DCAF1: variants seen among roughly 807,000 people sequenced by gnomAD.
DCAF1 encodes DDB1 and CUL4 associated factor 1, also known as DDB1- and CUL4-associated factor 1.
In DCAF1, 15 loss-of-function variants were observed where a neutral mutation model predicts 128.0. The observed-to-expected ratio is 0.12, with a 90% CI of 0.08 to 0.18. The LOEUF is 0.18. Among genes scored for constraint, DCAF1 ranks in the 10% least tolerant of loss-of-function variants. DCAF1 has a pLI of 1.00. For missense variants in DCAF1, 988 were observed against 1,649.5 expected (o/e 0.60, Z 6.95); for synonymous variants, 610 against 603.0 (o/e 1.01, Z -0.17).
intron 2 of DCAF1, among the ~76,000 whole-genome samples, chr3:51,487,548 G>A (rs1008137366): frequency 2.0e-5 from 3 of 152,096 alleles, no homozygotes; most frequent in Non-Finnish European, 4.4e-5. Flanking sequence ...CTGTCCTCTG[G>A]TCTATGATAG....
At chr3:51,406,434 GTT>G (rs564768373) in intron 23 of DCAF1, among the ~76,000 whole-genome samples, 1 of 140,488 alleles carries the variant, frequency 7.1e-6, no homozygotes. Context: ...CAGGGATATT[GTT>G]TTTTTTTTTA....
upstream of DCAF1, chr3:51,500,141 A>G (rs1708718149): frequency 6.9e-6 from 1 of 145,588 alleles, no homozygotes. Context: ...AAAAAAAAAA[A>G]AAAAAAAAAA....
intron 13 of DCAF1, among the ~76,000 whole-genome samples, chr3:51,425,088 T>C (rs1222569767): frequency 6.6e-6 from 1 of 152,238 alleles, no homozygotes; most frequent in Admixed American, 6.5e-5. Flanking sequence ...TTCTTTTCTC[T>C]TTAAAAGATT....
intron 6 of DCAF1, among the ~76,000 whole-genome samples, chr3:51,447,231 G>A (rs1258760753): frequency 2.6e-5 from 4 of 151,438 alleles, no homozygotes; most frequent in Non-Finnish European, 5.9e-5. Flanking sequence ...CCAACATGGT[G>A]AAACCCCGTC....
intron 2 of DCAF1, among the ~76,000 whole-genome samples, chr3:51,493,537 A>C (rs1707896430): frequency 6.6e-6 from 1 of 152,172 alleles, no homozygotes; most frequent in African/African-American, 2.4e-5. Flanking sequence ...AAACAACCCA[A>C]AAGTCCATCA....
Position 51,419,761 on chromosome 3 carries a change from C to A in DCAF1, c.3209G>T (p.Cys1070Phe). ...FPKYGGVDGG[C>F]FDRHLIFSRF... The stretch of plus-strand genomic sequence containing the variant: ...GCTAAAGATAAGGTGCCTATCAAAG[C>A]ATCCGCCATCCACCCCTCCATACTT... The change falls in exon 15 of 25, where the codon TGC becomes TTC. Residue 1070 changes from cysteine to phenylalanine, a missense_variant. Around this residue, in one of 11 missense-constraint regions of DCAF1, gnomAD observed 105 missense variants for 266.7 expected, o/e 0.39. Transcript: ENST00000684031. 6.2e-7 allele frequency: 1 copy of A among 1,612,936 alleles called. No individual in the cohort carries two copies. Among genetic ancestry groups the A allele is most frequent in the Non-Finnish European group, 8.5e-7 (1 of 1,179,182 alleles).
At chr3:51,431,942 G>A (rs1287544419) in intron 10 of DCAF1, among the ~76,000 whole-genome samples, 2 of 151,348 alleles carry the variant, frequency 1.3e-5, no homozygotes, top group Non-Finnish European at 2.9e-5. Flanking sequence ...CTGCACTACA[G>A]CCTACAGCCT....
At chr3:51,435,635 C>T (rs7429461) in intron 9 of DCAF1, among the ~76,000 whole-genome samples, 1 of 150,648 alleles carries the variant, frequency 6.6e-6, no homozygotes, top group African/African-American at 2.4e-5. Context: ...CACTTGAACC[C>T]GGGAGGCCAG....
At chr3:51,489,479 G>C (rs1357728886) in intron 2 of DCAF1, among the ~76,000 whole-genome samples, 1 of 151,874 alleles carries the variant, frequency 6.6e-6, no homozygotes, top group Admixed American at 6.6e-5. Context: ...GTCCTAGGCA[G>C]AGTAATTAGG....
At chr3:51,486,355 CTTATTT>C (rs1351769208) in intron 2 of DCAF1, among the ~76,000 whole-genome samples, 4 of 151,656 alleles carry the variant, frequency 2.6e-5, no homozygotes, top group Admixed American at 6.6e-5. Flanking sequence ...CCATGCCCAG[CTTATTT>C]TTATTTTTAT....
At chr3:51,484,451 C>T (rs893128096) in intron 2 of DCAF1, among the ~76,000 whole-genome samples, 5 of 151,632 alleles carry the variant, frequency 3.3e-5, no homozygotes, top group African/African-American at 7.3e-5. Context: ...CCAGCTTGGG[C>T]GACAGAGCAA....
intron 11 of DCAF1, 41 bp downstream of exon 11, chr3:51,429,992 G>T (rs191589420): frequency 3.9e-6 from 3 of 772,476 alleles, no homozygotes; most frequent in Middle Eastern, 2.3e-4. Flanking sequence ...AGACAACCAG[G>T]ACCCTCAATC....
At chr3:51,475,665 T>A (rs1239237671) in intron 3 of DCAF1, among the ~76,000 whole-genome samples, 1 of 152,086 alleles carries the variant, frequency 6.6e-6, no homozygotes, top group Non-Finnish European at 1.5e-5. Context: ...ATCAAGACCA[T>A]CCTGGCTAAC....
At chr3:51,501,417 G>A (rs1413537091), upstream of DCAF1, among the ~76,000 whole-genome samples, 2 of 152,006 alleles carry the variant, frequency 1.3e-5, no homozygotes. Flanking sequence ...GCAGAATCTC[G>A]ACCTGACAAG....
chr3:51,480,201 G>A (rs1413702358), intron 3 of DCAF1, among the ~76,000 whole-genome samples: 1 of 151,356 alleles, frequency 6.6e-6, no homozygotes, highest in East Asian at 1.9e-4. Flanking sequence ...CATGATTCTT[G>A]AACTACTTCT....
intron 1 of DCAF1, among the ~76,000 whole-genome samples, chr3:51,498,861 T>C (rs1191974860): frequency 6.6e-6 from 1 of 152,102 alleles, no homozygotes; most frequent in African/African-American, 2.4e-5. Flanking sequence ...TCCAGTAAGC[T>C]GGAAAAAGAA....
chr3:51,492,997 AAAAT>A (rs1165737514), intron 2 of DCAF1, among the ~76,000 whole-genome samples: 1 of 152,072 alleles, frequency 6.6e-6, no homozygotes, highest in Admixed American at 6.6e-5. Context: ...CCCTCTCAAA[AAAAT>A]AAATAAATAA....
intron 2 of DCAF1, among the ~76,000 whole-genome samples, chr3:51,485,311 G>A (rs1221041125): frequency 6.6e-6 from 1 of 152,178 alleles, no homozygotes; most frequent in Non-Finnish European, 1.5e-5. Flanking sequence ...TATCCTTCAA[G>A]CTTCCTAACC....
At chr3:51,419,138 A>G (rs1458657399) in intron 15 of DCAF1, among the ~76,000 whole-genome samples, 1 of 151,970 alleles carries the variant, frequency 6.6e-6, no homozygotes, top group African/African-American at 2.4e-5. Context: ...AAGGGGGGGT[A>G]TCAATTGAGG....
Sources: allele counts gnomAD v4.1 joint callset (sites outside exome capture counted in the v4.1 genomes callset), GRCh38; gene constraint gnomAD v4.1.1; regional missense constraint gnomAD v4.1.1; transcripts MANE v1.5; gene names NCBI Gene and HGNC (gene_info 2026-07-23, HGNC 2026-07-21).